Variants in NCOA2 observed in about 807,000 individuals in gnomAD.
The protein encoded by NCOA2 is class E basic helix-loop-helix protein 75.
A neutral mutation model predicts 145.1 loss-of-function variants in NCOA2; 21 were observed. That is an observed-to-expected ratio of 0.14 (90% CI 0.10 to 0.21). The LOEUF (loss-of-function observed/expected upper bound fraction) is 0.21. NCOA2 is among the 10% of genes least tolerant of loss of function. The pLI, the probability that NCOA2 is intolerant of heterozygous loss-of-function variation, is 1.00. For synonymous variants in NCOA2, 619 were observed against 637.5 expected (o/e 0.97, Z 0.44); for missense variants, 1,472 against 1,837.6 (o/e 0.80, Z 3.64).
At chr8:70,200,368 G>T (rs912621510) in intron 4 of NCOA2, among the ~76,000 whole-genome samples, 6 of 152,138 alleles carry the variant, frequency 3.9e-5, no homozygotes, top group Admixed American at 2.0e-4. Context: ...TGAAAGGCAA[G>T]AGACCAACCA....
At chr8:70,146,313 G>A (rs1811058724) in intron 12 of NCOA2, among the ~76,000 whole-genome samples, 1 of 152,184 alleles carries the variant, frequency 6.6e-6, no homozygotes, top group South Asian at 2.1e-4. Flanking sequence ...AATTTATTGT[G>A]TACTAAGCAC....
At chr8:70,329,510 G>C (rs1381714342) in intron 1 of NCOA2, among the ~76,000 whole-genome samples, 1 of 152,034 alleles carries the variant, frequency 6.6e-6, no homozygotes, top group Non-Finnish European at 1.5e-5. Flanking sequence ...CAAAATGCTA[G>C]CATTACAGGT....
intron 2 of NCOA2, among the ~76,000 whole-genome samples, chr8:70,262,735 A>T (rs1029941958): frequency 6.6e-6 from 1 of 152,210 alleles, no homozygotes; most frequent in Non-Finnish European, 1.5e-5. Context: ...CTATAATTTC[A>T]GCCTTGATGC....
At chr8:70,119,014 A>T (rs1383235596) in intron 22 of NCOA2, among the ~76,000 whole-genome samples, 2 of 151,890 alleles carry the variant, frequency 1.3e-5, no homozygotes, top group Non-Finnish European at 2.9e-5. Context: ...TTTTATTTTT[A>T]TTTGTTCAAA....
intron 9 of NCOA2, among the ~76,000 whole-genome samples, chr8:70,160,323 G>A (rs996187489): frequency 2.6e-5 from 4 of 152,058 alleles, no homozygotes; most frequent in Admixed American, 1.3e-4. Flanking sequence ...CACTGGAATT[G>A]GTTTAACTTT....
intron 2 of NCOA2, among the ~76,000 whole-genome samples, chr8:70,252,521 T>G (rs961595985): frequency 1.3e-5 from 2 of 152,236 alleles, no homozygotes; most frequent in African/African-American, 4.8e-5. Flanking sequence ...TTCCCATCCT[T>G]AACTCTGGTG....
rs773294069 is a variant in NCOA2 at position 70,166,788 on chromosome 8, G to C, written c.542-34C>G. On this transcript the variant is annotated intron_variant, in intron 6 of 22. Transcript: ENST00000452400. ...GGCAAAAGTAATCCAGTTTTACAAA[G>C]AAACAAACATCAGATTCATTGCCTC... 3 of 1,578,796 alleles carry C rather than the reference G, an allele frequency of 1.9e-6. No individual in the cohort carries two copies. The East Asian group carries it at 6.7e-5, about 35-fold the overall frequency.
intron 1 of NCOA2, among the ~76,000 whole-genome samples, chr8:70,385,626 C>T (rs190177306): frequency 7.7e-4 from 117 of 152,272 alleles, no homozygotes; most frequent in African/African-American, 2.3e-3. Flanking sequence ...TGGGGTCTCA[C>T]TATGTTGGGC....
intron 11 of NCOA2, among the ~76,000 whole-genome samples, chr8:70,154,507 G>A (rs1251952228): frequency 6.6e-6 from 1 of 152,072 alleles, no homozygotes; most frequent in African/African-American, 2.4e-5. Context: ...CCAACTCCTG[G>A]GCTCAAGCAG....
At chr8:70,193,866 T>C (rs1490153272) in intron 4 of NCOA2, among the ~76,000 whole-genome samples, 2 of 151,892 alleles carry the variant, frequency 1.3e-5, no homozygotes, top group African/African-American at 4.9e-5. Flanking sequence ...TTCTGTAATG[T>C]TTGCTATCTG....
At chr8:70,291,654 C>T (rs1042032442) in intron 2 of NCOA2, among the ~76,000 whole-genome samples, 5 of 152,186 alleles carry the variant, frequency 3.3e-5, no homozygotes, top group Admixed American at 6.5e-5. Flanking sequence ...CTAAGCAAGA[C>T]ACACCTACCT....
At chr8:70,419,117 A>T in the NCOA2 span, among the ~76,000 whole-genome samples, 10 of 151,542 alleles carry the variant, frequency 6.6e-5, no homozygotes, top group Non-Finnish European at 1.3e-4. Context: ...AAAAAAAAAA[A>T]CTAGATATCC....
At chr8:70,232,102 T>C (rs1277232166) in intron 2 of NCOA2, among the ~76,000 whole-genome samples, 2 of 152,168 alleles carry the variant, frequency 1.3e-5, no homozygotes, top group Non-Finnish European at 1.5e-5. Flanking sequence ...CTGTTTCCAT[T>C]TGAACACCAT....
intron 13 of NCOA2, among the ~76,000 whole-genome samples, chr8:70,143,597 T>G (rs928005274): frequency 6.6e-6 from 1 of 152,198 alleles, no homozygotes; most frequent in African/African-American, 2.4e-5. Context: ...AAGGAAAAAG[T>G]TACCTTAATA....
At chr8:70,378,425 T>C (rs1811876101) in intron 1 of NCOA2, among the ~76,000 whole-genome samples, 1 of 152,274 alleles carries the variant, frequency 6.6e-6, no homozygotes, top group Non-Finnish European at 1.5e-5. Context: ...AAGGAACACC[T>C]AACCCAACGC....
At chr8:70,265,984 C>G (rs1200719318) in intron 2 of NCOA2, among the ~76,000 whole-genome samples, 1 of 151,712 alleles carries the variant, frequency 6.6e-6, no homozygotes, top group Non-Finnish European at 1.5e-5. Flanking sequence ...ATACAAAAAT[C>G]TCTAAAAATA....
In NCOA2 at chr8:70,335,155, A is replaced by AAAAAAAAT. The variant is rs774576238; in HGVS notation, c.-76-38356_-76-38355insATTTTTTT. 1.7e-4 allele frequency among the ~76,000 whole-genome samples: 20 copies of AAAAAAAAT among 115,384 alleles called. 2 individuals are homozygous for AAAAAAAAT. In the South Asian group the frequency reaches 2.1e-3, roughly 12 times the overall value. The allele number at this position is 115,384 out of a possible 152,430, so 75.7% of individuals were successfully genotyped here. A position where few individuals can be genotyped will look rare whatever the true frequency, so the allele number is the denominator to read the frequency against. On this transcript the variant is annotated intron_variant, in intron 1 of 22. Coordinates refer to ENST00000452400, the MANE Select transcript of NCOA2 (RefSeq NM_006540.4). ...AAAAAAAAAAAAAAAAAAAAAAAAG[A>AAAAAAAAT]TCTCTCCCTATGACCATTTTCTCAG...
At position 70,318,187 on chromosome 8, in the gene NCOA2, T is replaced by C. The variant is rs534342096; in HGVS notation, c.-76-21387A>G. 4.6e-5 allele frequency among the ~76,000 whole-genome samples: 7 copies of C among 152,340 alleles called. No individual in the cohort carries two copies. In the South Asian group the frequency reaches 1.0e-3, roughly 23 times the overall value. Reference sequence around the variant, plus strand: ...CAGTCATAATGCTTAATCAGCCCTATTTGTTAATGTGCCCCACCTGGAACT... The same window carrying C: ...CAGTCATAATGCTTAATCAGCCCTACTTGTTAATGTGCCCCACCTGGAACT... On this transcript the variant is annotated intron_variant, in intron 1 of 22. Transcript: ENST00000452400.
In NCOA2 at chr8:70,133,137, C is replaced by T. The variant is rs139663888; in HGVS notation, c.3159-1135G>A. ...TCATGGCTCACTGGGCTCAGGTGATCCTCTGGCCTCACCCTCCTGAGTAGC... is the reference window on the plus strand; with the variant it reads ...TCATGGCTCACTGGGCTCAGGTGATTCTCTGGCCTCACCCTCCTGAGTAGC... On this transcript the variant is annotated intron_variant, in intron 15 of 22. Transcript: ENST00000452400. Among the ~76,000 whole-genome samples the T allele has an allele frequency of 2.5e-4, 37 of 150,132 alleles. No individual in the cohort carries two copies. The East Asian group carries it at 6.7e-3, about 27-fold the overall frequency.
Sources: gnomAD v4.1 joint callset for allele counts (sites outside exome capture counted in the v4.1 genomes callset) on GRCh38, gnomAD v4.1.1 for gene constraint, MANE v1.5 for transcripts, NCBI Gene and HGNC (gene_info 2026-07-23, HGNC 2026-07-21) for gene names.